Variants in RFX4 observed in about 807,000 individuals in gnomAD.
RFX4 encodes regulatory factor X4.
Under a neutral mutation model 95.0 loss-of-function variants are expected in RFX4, and 10 were observed. The observed-to-expected ratio is 0.11, with a 90% CI of 0.06 to 0.18. The LOEUF (loss-of-function observed/expected upper bound fraction) is 0.18. Ranked by LOEUF, RFX4 falls within the 10% of genes least tolerant of loss-of-function variation. The pLI, the probability that RFX4 is intolerant of heterozygous loss-of-function variation, is 1.00. For synonymous variants in RFX4, 321 were observed against 340.7 expected (o/e 0.94, Z 0.64); for missense variants, 640 against 922.0 (o/e 0.69, Z 3.96).
chr12:106,725,012 C>CA (rs935572233), intron 13 of RFX4, among the ~76,000 whole-genome samples: 3,446 of 74,326 alleles, frequency 0.046, 90 homozygotes, highest in African/African-American at 0.1. Flanking sequence ...GACTCCATCT[C>CA]AAAAAAAAAA....
intron 7 of RFX4, among the ~76,000 whole-genome samples, chr12:106,695,841 C>T (rs1210598702): frequency 6.6e-6 from 1 of 152,234 alleles, no homozygotes; most frequent in African/African-American, 2.4e-5. Flanking sequence ...TTACCCGCGA[C>T]TCCCATACCT....
chr12:106,673,076 A>T (rs1302798055), intron 4 of RFX4, among the ~76,000 whole-genome samples: 1 of 152,206 alleles, frequency 6.6e-6, no homozygotes, highest in African/African-American at 2.4e-5. Flanking sequence ...TTCCAACCAC[A>T]CTAATATGTT....
chr12:106,652,455 G>A (rs1487424196), intron 3 of RFX4, among the ~76,000 whole-genome samples: 1 of 152,160 alleles, frequency 6.6e-6, no homozygotes, highest in Non-Finnish European at 1.5e-5. Flanking sequence ...AGCCCCTACT[G>A]TGTGCCAAGG....
intron 8 of RFX4, among the ~76,000 whole-genome samples, chr12:106,707,801 T>C (rs2042114628): frequency 6.6e-6 from 1 of 152,154 alleles, no homozygotes; most frequent in East Asian, 1.9e-4. Flanking sequence ...GTTGTTGTTG[T>C]TGTTGTTTTT....
chr12:106,585,174 C>T (rs1007760182), intron 1 of RFX4, among the ~76,000 whole-genome samples: 1 of 152,242 alleles, frequency 6.6e-6, no homozygotes, highest in African/African-American at 2.4e-5. Flanking sequence ...ACATCCCAAA[C>T]CTGCAGTGGC....
rs368598293 is a variant in RFX4, at chr12:106,682,068, G to A, written c.377+14G>A. The A allele has an allele frequency of 9.3e-6, 15 of 1,613,834 alleles. No homozygotes were observed. The highest frequency in any genetic ancestry group is 3.3e-4 in the Middle Eastern group (2 of 6,082). On this transcript the variant is annotated intron_variant, in intron 5 of 17. Coordinates refer to ENST00000392842, the MANE Select transcript of RFX4 (RefSeq NM_213594.3). ...AGGACAGTCAAAGTAAGCACCGGAC[G>A]GCCATTCCACCTGCAGAGCGCACAT... is the stretch of plus-strand genomic sequence containing the variant.
Position 106,721,109 on chromosome 12 carries a change from G to A in RFX4, c.1351+233G>A, listed in dbSNP as rs139451751. 2.5e-3 allele frequency among the ~76,000 whole-genome samples: 384 copies of A among 152,146 alleles called. 1 individual carries two copies. Among genetic ancestry groups the A allele is most frequent in the African/African-American group, 8.5e-3 (352 of 41,512 alleles). On this transcript the variant is annotated intron_variant, in intron 13 of 17. Coordinates refer to ENST00000392842, the MANE Select transcript of RFX4 (RefSeq NM_213594.3). ...GTTTTGCCCACAGATAGTACTATCT[G>A]AGCTTAAAGAAGAATAAATTGCAGT...
chr12:106,720,546 C>A lies in RFX4; in HGVS notation c.1234-213C>A, dbSNP rs2042377461. Among the ~76,000 whole-genome samples, 1 of 152,062 alleles carries A rather than the reference C, an allele frequency of 6.6e-6. No individual in the cohort carries two copies. Among genetic ancestry groups the A allele is most frequent in the African/African-American group, 2.4e-5 (1 of 41,380 alleles). On this transcript the variant is annotated intron_variant, in intron 12 of 17. Coordinates refer to ENST00000392842, the MANE Select transcript of RFX4 (RefSeq NM_213594.3). The surrounding 1 kb of genome is among the most constrained non-coding windows in gnomAD (Gnocchi z 4.2). ...TACAGGGGTGTGCCACCATTCCCAG[C>A]TAATTTTTGTATTTTTTGTAGAGAT...
At chr12:106,610,138 T>A (rs1005083988) in intron 2 of RFX4, among the ~76,000 whole-genome samples, 38 of 149,886 alleles carry the variant, frequency 2.5e-4, no homozygotes, top group Non-Finnish European at 7.4e-5. Context: ...CTCGAGAGGC[T>A]GAGGCAGGAG....
chr12:106,684,480 C>G (rs1327155333), intron 5 of RFX4, among the ~76,000 whole-genome samples: 6 of 152,148 alleles, frequency 3.9e-5, no homozygotes, highest in African/African-American at 1.2e-4. Flanking sequence ...CCCTACAGAA[C>G]TGAAATAGAA....
At position 106,754,168 on chromosome 12, in the gene RFX4, C is replaced by G. The variant is rs189941658; in HGVS notation, c.1935+3375C>G. On this transcript the variant is annotated intron_variant, in intron 17 of 17. Coordinates refer to ENST00000392842, the MANE Select transcript of RFX4 (RefSeq NM_213594.3). Reference sequence around the variant, plus strand: ...GGGGAGCCCTGGTTTAATCCCCAGACAAGCCAAGAAGTTGATTCCAATAAA... The same window carrying G: ...GGGGAGCCCTGGTTTAATCCCCAGAGAAGCCAAGAAGTTGATTCCAATAAA... 9.8e-5 allele frequency among the ~76,000 whole-genome samples: 15 copies of G among 152,310 alleles called. No homozygotes were observed. In the East Asian group the frequency reaches 2.7e-3, roughly 27 times the overall value.
chr12:106,693,750 A>C (rs1448039584), intron 7 of RFX4, among the ~76,000 whole-genome samples: 1 of 152,178 alleles, frequency 6.6e-6, no homozygotes, highest in African/African-American at 2.4e-5. Flanking sequence ...AGGTGAGCGG[A>C]GCCACAGTAG....
chr12:106,707,908 G>A (rs186031190), intron 8 of RFX4, among the ~76,000 whole-genome samples: 46 of 152,320 alleles, frequency 3.0e-4, no homozygotes, highest in African/African-American at 1.1e-3. Context: ...CAAGGCGGGT[G>A]GATCACTTGA....
intron 17 of RFX4, among the ~76,000 whole-genome samples, chr12:106,756,359 C>T (rs779332064): frequency 6.6e-6 from 1 of 152,166 alleles, no homozygotes; most frequent in Non-Finnish European, 1.5e-5. Context: ...GAACTGGGGA[C>T]CTTGAGCTCA....
chr12:106,597,916 G>T (rs188057396), intron 1 of RFX4, among the ~76,000 whole-genome samples: 3 of 152,064 alleles, frequency 2.0e-5, no homozygotes, highest in Non-Finnish European at 4.4e-5. Flanking sequence ...GAGGAAAAAG[G>T]GTGCCTCTGT....
At chr12:106,721,917 A>G (rs2042402889) in intron 13 of RFX4, among the ~76,000 whole-genome samples, 1 of 152,244 alleles carries the variant, frequency 6.6e-6, no homozygotes, top group Admixed American at 6.5e-5. Flanking sequence ...CAAAGAAGGC[A>G]CTATTTTTTC....
At chr12:106,759,388 G>A (rs1430695489) in intron 17 of RFX4, among the ~76,000 whole-genome samples, 1 of 152,184 alleles carries the variant, frequency 6.6e-6, no homozygotes, top group Non-Finnish European at 1.5e-5. Flanking sequence ...ATACCCAGGA[G>A]TTGACTTGAG....
chr12:106,633,361 A>C (rs866312636), intron 2 of RFX4, among the ~76,000 whole-genome samples: 1 of 152,176 alleles, frequency 6.6e-6, no homozygotes, highest in Non-Finnish European at 1.5e-5. Context: ...CACCCTCACC[A>C]AAGATCTGTT....
chr12:106,730,870 C>T (rs552503203), intron 13 of RFX4, among the ~76,000 whole-genome samples: 28 of 152,142 alleles, frequency 1.8e-4, no homozygotes, highest in African/African-American at 5.8e-4. Context: ...CATGGTGGCA[C>T]GCACCTATCA....
Sources: gnomAD v4.1 joint callset for allele counts (sites outside exome capture counted in the v4.1 genomes callset) on GRCh38, gnomAD v4.1.1 for gene constraint, Gnocchi (gnomAD v3.1) non-coding constraint, MANE v1.5 for transcripts, NCBI Gene and HGNC (gene_info 2026-07-23, HGNC 2026-07-21) for gene names.